TSKS: variants seen among roughly 807,000 people sequenced by gnomAD.
TSKS encodes the protein testis-specific serine kinase substrate.
TSKS carries 27 observed loss-of-function variants against 68.0 expected under a neutral mutation model. The ratio of observed to expected loss-of-function variants is 0.40; its 90% CI spans 0.29 to 0.55. TSKS has a LOEUF of 0.55. TSKS is among the 20% of genes least tolerant of loss of function. TSKS has a pLI of 0.53. For synonymous variants in TSKS, 331 were observed against 340.4 expected (o/e 0.97, Z 0.30); for missense variants, 806 against 776.0 (o/e 1.04, Z -0.46).
Position 49,762,030 on chromosome 19 carries a change from C to T in TSKS, c.373G>A (p.Asp125Asn). 1.2e-6 allele frequency: 2 copies of T among 1,613,980 alleles called. No homozygotes were observed. The highest frequency in any genetic ancestry group is 2.2e-5 in the East Asian group (1 of 44,874). Reference sequence around the variant, plus strand: ...AGGATTTCCGTGATGTCTGCGTCATCCGGATCCCAGGGTAGGGTAGGGGAG... The same window carrying T: ...AGGATTTCCGTGATGTCTGCGTCATTCGGATCCCAGGGTAGGGTAGGGGAG... ...PASPTLPWDP[D>N]DADITEILSG... The change falls in exon 2 of 11, where the codon GAT becomes AAT. Residue 125 changes from aspartate to asparagine, a missense_variant. Asp to Asn is a conservative substitution (Grantham distance 23). Coordinates refer to ENST00000246801, the MANE Select transcript of TSKS (RefSeq NM_021733.2).
chr19:49,740,606 G>C (rs945853153), intron 9 of TSKS, among the ~76,000 whole-genome samples: 1 of 152,196 alleles, frequency 6.6e-6, no homozygotes, highest in African/African-American at 2.4e-5. Flanking sequence ...AGTCCTGGCC[G>C]GGCGCAGTGG....
Position 49,763,145 on chromosome 19 carries a change from C to T in TSKS, c.103G>A (p.Ala35Thr). ...GCCCGGCTGGTCACCCTCCGGGGAG[C>T]CTCTGGGACTAGCTGGGAGCAGCTC... The part of the protein sequence containing the change: ...VESCSQLVPE[A>T]PRRVTSRAKG... The change falls in exon 1 of 11, where the codon GCT becomes ACT. Residue 35 changes from alanine (A) to threonine (T), a missense_variant. Coordinates refer to ENST00000246801, the MANE Select transcript of TSKS (RefSeq NM_021733.2). The surrounding 1 kb of genome is among the most constrained non-coding windows in gnomAD (Gnocchi z 4.5). 6.2e-7 allele frequency: 1 copy of T among 1,610,996 alleles called. No homozygotes were observed. The highest frequency in any genetic ancestry group is 8.5e-7 in the Non-Finnish European group (1 of 1,178,530).
intron 2 of TSKS, among the ~76,000 whole-genome samples, chr19:49,759,527 C>T (rs2084422636): frequency 1.3e-5 from 2 of 149,488 alleles, no homozygotes; most frequent in South Asian, 2.1e-4. Flanking sequence ...TACAGCTACT[C>T]GGGAGGCTGA....
rs1324860684 is a variant in TSKS, at chr19:49,755,590, G to T, written c.399+6414C>A. On this transcript the variant is annotated intron_variant, in intron 2 of 10. Transcript: ENST00000246801. ...TCACACCTGTATTTCCAGCACTTTG[G>T]GAGGCCAAGATGGGAGGATCGCTTG... 2.0e-5 allele frequency among the ~76,000 whole-genome samples: 3 copies of T among 152,322 alleles called. No individual in the cohort carries two copies. The East Asian group carries it at 5.8e-4, about 29-fold the overall frequency.
chr19:49,746,814 G>A lies in TSKS; in HGVS notation c.664-16C>T. The A allele has an allele frequency of 6.3e-7, 1 of 1,595,472 alleles. No homozygotes were observed. Among genetic ancestry groups the A allele is most frequent in the Non-Finnish European group, 8.5e-7 (1 of 1,177,900 alleles). On this transcript the variant is annotated splice_polypyrimidine_tract_variant and intron_variant, in intron 5 of 10. Transcript: ENST00000246801. Reference sequence around the variant, plus strand: ...GCAGCTTCTCCTGGGTGGTAAGGGAGGACGGGGTCACAGCGTCCAGCCGCT... The same window carrying A: ...GCAGCTTCTCCTGGGTGGTAAGGGAAGACGGGGTCACAGCGTCCAGCCGCT...
chr19:49,740,458 G>A, intron 9 of TSKS: 3 of 439,370 alleles, frequency 6.8e-6, no homozygotes, highest in Non-Finnish European at 8.2e-6. Context: ...CCTATCGTCT[G>A]TCTCCTAAGC....
chr19:49,741,539 C>A (rs1488615510), intron 9 of TSKS, among the ~76,000 whole-genome samples: 1 of 152,158 alleles, frequency 6.6e-6, no homozygotes, highest in African/African-American at 2.4e-5. Flanking sequence ...TTGTACAATG[C>A]ACCGCCTCTC....
chr19:49,759,105 C>T (rs1175139675), intron 2 of TSKS, among the ~76,000 whole-genome samples: 2 of 152,084 alleles, frequency 1.3e-5, no homozygotes, highest in African/African-American at 2.4e-5. Context: ...GATCTGCCTG[C>T]CTCAGCCTCC....
chr19:49,749,190 C>T (rs1393932636), intron 2 of TSKS, among the ~76,000 whole-genome samples: 1 of 152,192 alleles, frequency 6.6e-6, no homozygotes, highest in Non-Finnish European at 1.5e-5. Flanking sequence ...TTGCTATGCA[C>T]CAAGCACTTG....
Position 49,746,513 on chromosome 19 carries a change from C to A in TSKS, c.949G>T (p.Glu317Ter). 1.2e-6 allele frequency: 2 copies of A among 1,613,906 alleles called. No individual in the cohort carries two copies. Among genetic ancestry groups the A allele is most frequent in the South Asian group, 1.1e-5 (1 of 91,070 alleles). The change falls in exon 6 of 11, where the codon GAG becomes TAG. Residue 317 changes from glutamate (E) to a stop codon, truncating the protein, a stop_gained. Coordinates refer to ENST00000246801, the MANE Select transcript of TSKS (RefSeq NM_021733.2). LOFTEE classifies it high-confidence loss of function. ...GTGAACAGCTTCTGCAATTCCTGCT[C>A]GCTCACGTAGGGGCCCTCGCCAGCC... Reference protein sequence around the residue: ...PRAGEGPYVSEQELQKLFTGI... With the variant: ...PRAGEGPYVS
At position 49,747,024 on chromosome 19, in the gene TSKS, C is replaced by A. The variant is rs908063914; in HGVS notation, c.664-226G>T. The A allele has an allele frequency of 1.1e-5, 14 of 1,249,656 alleles. No individual in the cohort carries two copies. In the Admixed American group the frequency reaches 3.5e-4, roughly 31 times the overall value. The allele number at this position is 1,249,656 out of a possible 1,614,324, so 77.4% of individuals were successfully genotyped here. ...CCCACAGCCTGCCTCCAGGTATCCA[C>A]CCGGCCCTCCAAGCCCTCCAGGCGT... On this transcript the variant is annotated intron_variant, in intron 5 of 10. Coordinates refer to ENST00000246801, the MANE Select transcript of TSKS (RefSeq NM_021733.2).
chr19:49,757,983 C>A (rs1269414353), intron 2 of TSKS, among the ~76,000 whole-genome samples: 3 of 151,482 alleles, frequency 2.0e-5, no homozygotes, highest in South Asian at 2.1e-4. Flanking sequence ...CTCCACCTCC[C>A]GAGTTCAAGC....
In TSKS at chr19:49,762,213, G is replaced by T; in HGVS notation, c.190C>A (p.His64Asn). 6.2e-7 allele frequency: 1 copy of T among 1,613,922 alleles called. No homozygotes were observed. Among genetic ancestry groups the T allele is most frequent in the Non-Finnish European group, 8.5e-7 (1 of 1,179,978 alleles). The stretch of plus-strand genomic sequence containing the variant: ...TTCAGGCACCAGTGCATGGGCTGAT[G>T]GGACATCTGGGGCTCCACCCTGCAG... The part of the protein sequence containing the change: ...SFHGVEPQMS[H>N]QPMHWCLNLK... The change falls in exon 2 of 11, where the codon CAT becomes AAT. Residue 64 changes from histidine to asparagine, a missense_variant. Transcript: ENST00000246801.
At chr19:49,751,627 A>G (rs1183442889) in intron 2 of TSKS, among the ~76,000 whole-genome samples, 1 of 152,136 alleles carries the variant, frequency 6.6e-6, no homozygotes, top group African/African-American at 2.4e-5. Flanking sequence ...AAGAAGAGTC[A>G]TTCTATGATT....
intron 5 of TSKS, 196 bp downstream of exon 5, chr19:49,747,193 G>C: frequency 1.3e-6 from 2 of 1,536,774 alleles, no homozygotes; most frequent in Non-Finnish European, 1.7e-6. Flanking sequence ...TGTGACTGCA[G>C]GGCAAGAGTC....
chr19:49,756,022 A>G (rs1237551880), intron 2 of TSKS, among the ~76,000 whole-genome samples: 2 of 152,164 alleles, frequency 1.3e-5, no homozygotes, highest in Non-Finnish European at 2.9e-5. Flanking sequence ...AAAGAAAGAA[A>G]GAAAACCACA....
At chr19:49,747,926 C>T (rs2084316213) in intron 4 of TSKS, among the ~76,000 whole-genome samples, 159 bp downstream of exon 4, 1 of 152,162 alleles carries the variant, frequency 6.6e-6, no homozygotes. Context: ...CCAGGCTGGT[C>T]TCAAACTCCT....
chr19:49,757,143 C>G (rs372442753), intron 2 of TSKS, among the ~76,000 whole-genome samples: 3 of 152,206 alleles, frequency 2.0e-5, no homozygotes, highest in Non-Finnish European at 4.4e-5. Context: ...TATTTGCTCT[C>G]TCTTCATCTA....
intron 2 of TSKS, among the ~76,000 whole-genome samples, chr19:49,754,311 C>T (rs2084376358): frequency 1.3e-5 from 2 of 151,374 alleles, no homozygotes; most frequent in Admixed American, 1.3e-4. Flanking sequence ...CCAGCCCAGC[C>T]AACATGGTTA....
Sources: allele counts gnomAD v4.1 joint callset (sites outside exome capture counted in the v4.1 genomes callset), GRCh38; gene constraint gnomAD v4.1.1; non-coding constraint Gnocchi (gnomAD v3.1); transcripts MANE v1.5; gene names NCBI Gene and HGNC (gene_info 2026-07-23, HGNC 2026-07-21).